Variants in TAOK1 observed in about 807,000 individuals in gnomAD.
The protein encoded by TAOK1 is serine/threonine-protein kinase TAO1.
Under a neutral mutation model 138.3 loss-of-function variants are expected in TAOK1, and 21 were observed. The ratio of observed to expected loss-of-function variants is 0.15; its 90% CI spans 0.11 to 0.22. The LOEUF (loss-of-function observed/expected upper bound fraction) is 0.22, where lower values mean the gene tolerates loss of function less well. TAOK1 is among the 10% of genes least tolerant of loss of function. The probability of loss-of-function intolerance (pLI) is 1.00; values close to 1 mark genes in which losing one functional copy is unlikely to be tolerated. For synonymous variants in TAOK1, 361 were observed against 398.4 expected (o/e 0.91, Z 1.12); for missense variants, 651 against 1,227.7 (o/e 0.53, Z 7.02).
At chr17:29,431,096 A>G (rs1905813063) in intron 1 of TAOK1, among the ~76,000 whole-genome samples, 1 of 152,132 alleles carries the variant, frequency 6.6e-6, no homozygotes, top group South Asian at 2.1e-4. Context: ...TCTTAGCACA[A>G]GTGATTCCAT....
chr17:29,480,733 G>A (rs1370035629), intron 7 of TAOK1, among the ~76,000 whole-genome samples: 1 of 151,838 alleles, frequency 6.6e-6, no homozygotes, highest in Non-Finnish European at 1.5e-5. Flanking sequence ...AGCCAGGCAT[G>A]GTGGTGCATG....
intron 1 of TAOK1, among the ~76,000 whole-genome samples, chr17:29,419,226 C>A (rs953490539): frequency 6.6e-6 from 1 of 151,372 alleles, no homozygotes; most frequent in South Asian, 2.1e-4. Context: ...GATGGAGTTT[C>A]ACGCTTATTG....
chr17:29,394,150 G>GTTTTGTTT (rs1904514488), intron 1 of TAOK1, among the ~76,000 whole-genome samples: 9 of 48,246 alleles, frequency 1.9e-4, no homozygotes, highest in Admixed American at 3.9e-4. Flanking sequence ...TAATTTGCCA[G>GTTTTGTTT]TTTTTTTTTT....
intron 1 of TAOK1, among the ~76,000 whole-genome samples, chr17:29,439,310 C>T (rs1296677668): frequency 6.6e-6 from 1 of 151,382 alleles, no homozygotes; most frequent in African/African-American, 2.4e-5. Flanking sequence ...TCAAGCAATT[C>T]TCCTGCCTCA....
intron 1 of TAOK1, among the ~76,000 whole-genome samples, chr17:29,444,045 A>T (rs1355209802): frequency 6.6e-6 from 1 of 151,956 alleles, no homozygotes; most frequent in Non-Finnish European, 1.5e-5. Flanking sequence ...AGCTCGGGAG[A>T]CAGAGGTTGC....
In TAOK1 at chr17:29,429,483, C is replaced by T. The variant is rs906187016; in HGVS notation, c.-94-21972C>T. 1.2e-4 allele frequency among the ~76,000 whole-genome samples: 18 copies of T among 152,108 alleles called. No individual in the cohort carries two copies. The South Asian group carries it at 1.7e-3, about 14-fold the overall frequency. ...TAGAGACAGTGTTTCACCATGTTGGCCAGACTGGTCTCAAATGCTTGACCT... is the reference window on the plus strand; with the variant it reads ...TAGAGACAGTGTTTCACCATGTTGGTCAGACTGGTCTCAAATGCTTGACCT... On this transcript the variant is annotated intron_variant, in intron 1 of 19. Transcript: ENST00000261716.
chr17:29,422,979 C>G (rs980558628), intron 1 of TAOK1, among the ~76,000 whole-genome samples: 1 of 152,022 alleles, frequency 6.6e-6, no homozygotes, highest in Admixed American at 6.6e-5. Context: ...GAGTTGAGAT[C>G]GCCTCATTGC....
chr17:29,522,385 A>G lies in TAOK1; in HGVS notation c.2014A>G (p.Lys672Glu), dbSNP rs2031935226. ...GTTCCGCCACCTCAACACAATTCAG[A>G]AGATGCGCTGTGAGTTGATCAGATT... ...LEFRHLNTIQ[K>E]MRCELIRLQH... Residue 672 changes from lysine (K) to glutamate (E), a missense_variant, in exon 17 of 20, where the codon AAG (lysine) becomes GAG (glutamate). Physicochemically the swap from Lys to Glu is moderately conservative, Grantham distance 56. Around this residue, in one of 8 missense-constraint regions of TAOK1, gnomAD observed 258 missense variants for 548.9 expected, o/e 0.47. Transcript: ENST00000261716. 1.9e-6 allele frequency: 3 copies of G among 1,614,092 alleles called. No homozygotes were observed. The Admixed American group carries it at 5.0e-5, about 27-fold the overall frequency.
At chr17:29,474,089 A>G (rs2030891210) in intron 3 of TAOK1, among the ~76,000 whole-genome samples, 1 of 152,114 alleles carries the variant, frequency 6.6e-6, no homozygotes, top group Non-Finnish European at 1.5e-5. Context: ...CTGATGAAGC[A>G]ACCTCTACTA....
At chr17:29,477,766 ATTAT>A (rs2030978447) in intron 5 of TAOK1, 60 bp downstream of exon 5, 2 of 1,083,902 alleles carry the variant, frequency 1.8e-6, no homozygotes, top group Admixed American at 3.0e-5. Context: ...TAATTTAGAC[ATTAT>A]TTAAATGATA....
chr17:29,424,436 CAA>C (rs781589064), intron 1 of TAOK1, among the ~76,000 whole-genome samples: 158 of 71,992 alleles, frequency 2.2e-3, no homozygotes, highest in Middle Eastern at 7.5e-3. Context: ...GACTCCCTCT[CAA>C]AAAAAAAAAA....
At chr17:29,531,862 CTTT>C (rs1185280066) in intron 18 of TAOK1, among the ~76,000 whole-genome samples, 3 of 138,396 alleles carry the variant, frequency 2.2e-5, no homozygotes, top group Admixed American at 7.2e-5. Flanking sequence ...GTAACCCTTT[CTTT>C]TTTTTTTTTT....
chr17:29,427,753 C>G (rs1286622166), intron 1 of TAOK1, among the ~76,000 whole-genome samples: 1 of 151,748 alleles, frequency 6.6e-6, no homozygotes, highest in South Asian at 2.1e-4. Context: ...ATGGTGAAAC[C>G]TTGTCTCCAC....
chr17:29,535,626 A>G (rs983922143), intron 19 of TAOK1, among the ~76,000 whole-genome samples: 3 of 150,838 alleles, frequency 2.0e-5, no homozygotes, highest in Admixed American at 6.6e-5. Flanking sequence ...GGCGGAGGCA[A>G]GCAGATCGCT....
intron 11 of TAOK1, among the ~76,000 whole-genome samples, chr17:29,497,917 T>A (rs2031445046): frequency 6.6e-6 from 1 of 152,154 alleles, no homozygotes; most frequent in African/African-American, 2.4e-5. Context: ...CCAGTGCTTT[T>A]TTTTTTTAAA....
chr17:29,527,220 G>T (rs2032026488), intron 17 of TAOK1, among the ~76,000 whole-genome samples: 1 of 152,124 alleles, frequency 6.6e-6, no homozygotes, highest in African/African-American at 2.4e-5. Context: ...AACCCCAGGA[G>T]GTTGAGGCTG....
In TAOK1 at chr17:29,495,698, C is replaced by T. The variant is rs1309155845; in HGVS notation, c.970C>T (p.Pro324Ser). ...CCTTTTCCAGGAGGCACATAATGGA[C>T]CAGCAGTAGAAGCACAGGAAGAAGA... ...KLLFQEAHNG[P>S]AVEAQEEEEE... Residue 324 changes from proline (P) to serine (S), a missense_variant, in exon 11 of 20, where the codon CCA becomes TCA. Physicochemically the swap from Pro to Ser is moderately conservative, Grantham distance 74. Around this residue, in one of 8 missense-constraint regions of TAOK1, gnomAD observed 104 missense variants for 151.7 expected, o/e 0.69. Transcript: ENST00000261716. 1 of 1,607,552 alleles carries T rather than the reference C, an allele frequency of 6.2e-7. No homozygotes were observed.
At chr17:29,506,167 T>C (rs2031626383) in intron 13 of TAOK1, among the ~76,000 whole-genome samples, 1 of 152,132 alleles carries the variant, frequency 6.6e-6, no homozygotes, top group African/African-American at 2.4e-5. Context: ...TGCACTCCCA[T>C]GTTCATTGCA....
At chr17:29,472,190 T>C (rs2030834037) in intron 3 of TAOK1, among the ~76,000 whole-genome samples, 1 of 152,084 alleles carries the variant, frequency 6.6e-6, no homozygotes, top group African/African-American at 2.4e-5. Context: ...TTCCAGAAGA[T>C]TCTCAATTTA....
Sources: gnomAD v4.1 joint callset for allele counts (sites outside exome capture counted in the v4.1 genomes callset) on GRCh38, gnomAD v4.1.1 for gene constraint, gnomAD v4.1.1 regional missense constraint, MANE v1.5 for transcripts, NCBI Gene and HGNC (gene_info 2026-07-23, HGNC 2026-07-21) for gene names.